Variants in ADGRF5 observed in about 807,000 individuals in gnomAD.
ADGRF5 encodes the protein adhesion G protein-coupled receptor F5.
A neutral mutation model predicts 132.3 loss-of-function variants in ADGRF5; 75 were observed. The observed-to-expected ratio is 0.57, with a 90% CI of 0.47 to 0.69. The LOEUF is 0.69. Ranked by LOEUF, ADGRF5 falls within the 30% of genes least tolerant of loss-of-function variation. The pLI is 0.00. For synonymous variants in ADGRF5, 629 were observed against 597.6 expected (o/e 1.05, Z -0.77); for missense variants, 1,516 against 1,630.6 (o/e 0.93, Z 1.21).
In ADGRF5 at chr6:46,861,525, T is replaced by C. The variant is rs376653614; in HGVS notation, c.2200-631A>G. ...GATGTTCCAACCCAGGAAAGTTCCTTCCTCTGAATGCGTAAGTATTGGTTT... is the reference window on the plus strand; with the variant it reads ...GATGTTCCAACCCAGGAAAGTTCCTCCCTCTGAATGCGTAAGTATTGGTTT... On this transcript the variant is annotated intron_variant, in intron 15 of 20. Transcript: ENST00000283296. Among the ~76,000 whole-genome samples, 118 of 152,332 alleles carry C rather than the reference T, an allele frequency of 7.7e-4. 1 individual carries two copies. In the South Asian group the frequency reaches 0.018, roughly 24 times the overall value.
intron 1 of ADGRF5, among the ~76,000 whole-genome samples, chr6:46,953,917 G>A (rs532903088): frequency 6.6e-6 from 1 of 151,680 alleles, no homozygotes; most frequent in African/African-American, 2.4e-5. Context: ...TAGAGTAAAG[G>A]CTGGTTGTGA....
chr6:46,904,337 CAT>C (rs1201754204), intron 2 of ADGRF5, among the ~76,000 whole-genome samples: 2 of 152,152 alleles, frequency 1.3e-5, no homozygotes, highest in African/African-American at 2.4e-5. Flanking sequence ...AAAACATAGA[CAT>C]ATGTACAATA....
In ADGRF5 at chr6:46,915,035, T is replaced by G. The variant is rs1581992519; in HGVS notation, c.-25+6678A>C. On this transcript the variant is annotated intron_variant, in intron 1 of 20. Transcript: ENST00000283296. ...CATGCCCGGCTGATTTTTGTATTTTTAGTAGAGATGGGGTTTCACCATATT... is the reference window on the plus strand; with the variant it reads ...CATGCCCGGCTGATTTTTGTATTTTGAGTAGAGATGGGGTTTCACCATATT... Among the ~76,000 whole-genome samples, 3 of 151,964 alleles carry G rather than the reference T, an allele frequency of 2.0e-5. No individual in the cohort carries two copies. In the South Asian group the frequency reaches 6.3e-4, roughly 32 times the overall value.
chr6:46,913,166 G>C (rs1036981069), intron 1 of ADGRF5, among the ~76,000 whole-genome samples: 1 of 152,164 alleles, frequency 6.6e-6, no homozygotes, highest in Admixed American at 6.6e-5. Flanking sequence ...AGGGAAACAA[G>C]GCTAGTGGAG....
At chr6:46,913,745 A>G (rs1776189536) in intron 1 of ADGRF5, among the ~76,000 whole-genome samples, 1 of 152,192 alleles carries the variant, frequency 6.6e-6, no homozygotes, top group Non-Finnish European at 1.5e-5. Context: ...ATTGAAGTAG[A>G]AGGTGAAGGT....
chr6:46,896,064 C>G (rs1774150312), intron 3 of ADGRF5, among the ~76,000 whole-genome samples: 1 of 152,162 alleles, frequency 6.6e-6, no homozygotes, highest in Non-Finnish European at 1.5e-5. Context: ...TCTTTCCTAT[C>G]TTACTCCATG....
intron 1 of ADGRF5, among the ~76,000 whole-genome samples, chr6:46,909,802 C>T (rs993357617): frequency 2.8e-4 from 43 of 152,086 alleles, no homozygotes; most frequent in African/African-American, 1.0e-3. Context: ...AACTGAGACT[C>T]TGTATTATAC....
intron 20 of ADGRF5, among the ~76,000 whole-genome samples, chr6:46,855,318 C>A (rs937472088): frequency 3.9e-5 from 6 of 152,148 alleles, no homozygotes; most frequent in South Asian, 2.1e-4. Context: ...TACTATAATC[C>A]ATGTACCATA....
At chr6:46,941,387 C>CAAAGAGAAGAAAAGAAAAGAAAAGA in intron 1 of ADGRF5, among the ~76,000 whole-genome samples, 1 of 83,186 alleles carries the variant, frequency 1.2e-5, no homozygotes, top group African/African-American at 5.1e-5. Flanking sequence ...AAGAAAGAAA[C>CAAAGAGAAGAAAAGAAAAGAAAAGA]AAAGAAAAGA....
At chr6:46,952,498 C>T (rs552494617) in intron 1 of ADGRF5, among the ~76,000 whole-genome samples, 1 of 152,170 alleles carries the variant, frequency 6.6e-6, no homozygotes, top group Non-Finnish European at 1.5e-5. Flanking sequence ...GAGGCTGTCA[C>T]ATAGATGTAA....
intron 8 of ADGRF5, 59 bp downstream of exon 8, chr6:46,881,396 T>C: frequency 6.9e-7 from 1 of 1,452,244 alleles, no homozygotes; most frequent in Non-Finnish European, 9.6e-7. Context: ...CATAAACTAA[T>C]TTCCTAGGTT....
At chr6:46,886,054 C>G (rs866372205) in intron 4 of ADGRF5, among the ~76,000 whole-genome samples, 1 of 152,196 alleles carries the variant, frequency 6.6e-6, no homozygotes, top group African/African-American at 2.4e-5. Flanking sequence ...GAACTCTGCT[C>G]TCATTGGAGA....
At chr6:46,855,282 C>T (rs1446166849) in intron 20 of ADGRF5, among the ~76,000 whole-genome samples, 6 of 152,162 alleles carry the variant, frequency 3.9e-5, no homozygotes, top group Non-Finnish European at 7.3e-5. Flanking sequence ...CTACCACTAT[C>T]GGCGTCATCA....
chr6:46,925,112 T>C (rs1777184941), upstream of ADGRF5, among the ~76,000 whole-genome samples: 1 of 152,182 alleles, frequency 6.6e-6, no homozygotes, highest in Non-Finnish European at 1.5e-5. Flanking sequence ...CAACAGCCAG[T>C]GAGACCTTCA....
chr6:46,904,830 G>A (rs1278483616), intron 2 of ADGRF5, among the ~76,000 whole-genome samples: 1 of 152,164 alleles, frequency 6.6e-6, no homozygotes, highest in African/African-American at 2.4e-5. Flanking sequence ...TGATCAGGCA[G>A]GCTCAAGTGC....
chr6:46,953,579 T>G (rs1234878), intron 1 of ADGRF5, among the ~76,000 whole-genome samples: 1 of 145,400 alleles, frequency 6.9e-6, no homozygotes, highest in South Asian at 2.2e-4. Flanking sequence ...ATTGCACCAC[T>G]GTACTCCAGG....
Position 46,852,836 on chromosome 6 carries a change from A to G in ADGRF5, c.*1156T>C, listed in dbSNP as rs897886191. 1 of 152,572 alleles carries G rather than the reference A, an allele frequency of 6.6e-6. No homozygotes were observed. Among genetic ancestry groups the G allele is most frequent in the Non-Finnish European group, 1.5e-5 (1 of 68,040 alleles). 9.5% of individuals were successfully genotyped at this position (152,572 alleles called of 1,614,324 possible). ...TTAATGTATATTGGTCTGGGAACTT[A>G]AAGATGGAAACAGAGAATACATAGG... On this transcript the variant is annotated 3_prime_UTR_variant, in exon 21 of 21. Transcript: ENST00000283296.
intron 12 of ADGRF5, 36 bp from the exon 13 acceptor site, chr6:46,867,173 A>G (rs766264931): frequency 8.5e-7 from 1 of 1,180,558 alleles, no homozygotes; most frequent in South Asian, 1.2e-5. Context: ...ATGGAATGGA[A>G]ATAATCGCCC....
In ADGRF5 at chr6:46,884,248, T is replaced by G; in HGVS notation, c.352A>C (p.Ile118Leu). 2 of 1,613,816 alleles carry G rather than the reference T, an allele frequency of 1.2e-6. No individual in the cohort carries two copies. The highest frequency in any genetic ancestry group is 1.7e-6 in the Non-Finnish European group (2 of 1,179,742). Residue 118 changes from isoleucine (I) to leucine (L), a missense_variant, in exon 5 of 21, where the codon ATC becomes CTC. Physicochemically the swap from Ile to Leu is conservative, Grantham distance 5 (BLOSUM62 2). This residue lies in a region of ADGRF5 where 945 missense variants were observed against 929.4 expected (regional missense o/e 1.02). Transcript: ENST00000283296. ...TTVCRPAGNE[I>L]WCSCETGYGW... ...TAACCTGTCTCGCAGGAGCACCAGA[T>G]TTCATTTCCAGCAGGTCTGCAGACT... is the stretch of plus-strand genomic sequence containing the variant.
Sources: allele counts gnomAD v4.1 joint callset (sites outside exome capture counted in the v4.1 genomes callset), GRCh38; gene constraint gnomAD v4.1.1; regional missense constraint gnomAD v4.1.1; transcripts MANE v1.5; gene names NCBI Gene and HGNC (gene_info 2026-07-23, HGNC 2026-07-21).